The following CFAP57 variants were observed in gnomAD, a reference collection of about 807,000 sequenced individuals.
CFAP57 encodes the protein cilia and flagella associated protein 57, also known as cilia- and flagella-associated protein 57.
A neutral mutation model predicts 146.8 loss-of-function variants in CFAP57; 116 were observed. That is an observed-to-expected ratio of 0.79 (90% CI 0.68 to 0.92). The LOEUF (loss-of-function observed/expected upper bound fraction) is 0.92, where lower values mean the gene tolerates loss of function less well. CFAP57 is among the 40% of genes least tolerant of loss of function. The probability of loss-of-function intolerance (pLI) is 0.00; values close to 1 mark genes in which losing one functional copy is unlikely to be tolerated. For synonymous variants in CFAP57, 518 were observed against 552.8 expected, an observed-to-expected ratio of 0.94 and a Z score of 0.88; for missense variants, 1,377 against 1,527.2, an observed-to-expected ratio of 0.90 and a Z score of 1.64.
chr1:43,233,011 C>T (rs535304054), intron 19 of CFAP57, among the ~76,000 whole-genome samples: 11 of 152,146 alleles, frequency 7.2e-5, no homozygotes, highest in Non-Finnish European at 1.6e-4. Flanking sequence ...ATTCCCATTT[C>T]TCCATGTTAT....
rs561064568 is a variant in CFAP57, at chr1:43,199,571, T to C, written c.1542+68T>C. 2.9e-6 allele frequency: 4 copies of C among 1,391,928 alleles called. No individual in the cohort carries two copies. In the South Asian group the frequency reaches 4.6e-5, roughly 16 times the overall value. The allele number at this position is 1,391,928 out of a possible 1,614,324, so 86.2% of individuals were successfully genotyped here. A position where few individuals can be genotyped will look rare whatever the true frequency, so the allele number is the denominator to read the frequency against. Reference sequence around the variant, plus strand: ...CCAAGTATGCCGCCAGCCAGTGGGATACAGGTGAACAAAAGAGAGATGGTT... The same window carrying C: ...CCAAGTATGCCGCCAGCCAGTGGGACACAGGTGAACAAAAGAGAGATGGTT... On this transcript the variant is annotated intron_variant, in intron 9 of 22. Transcript: ENST00000372492.
intron 11 of CFAP57, among the ~76,000 whole-genome samples, chr1:43,212,564 C>A (rs1415351842): frequency 6.6e-6 from 1 of 152,134 alleles, no homozygotes; most frequent in Non-Finnish European, 1.5e-5. Flanking sequence ...CAAGTCCTGT[C>A]TTCTAGCAAT....
Position 43,222,825 on chromosome 1 carries a change from C to T in CFAP57, c.2534C>T (p.Ala845Val), listed in dbSNP as rs200890811. The T allele has an allele frequency of 1.0e-3, 1,568 of 1,539,142 alleles. 1 individual carries two copies. The highest frequency in any genetic ancestry group is 1.3e-3 in the Non-Finnish European group (1,514 of 1,141,132). The change falls in exon 16 of 23, where the codon GCA (alanine) becomes GTA (valine). Residue 845 changes from alanine (A) to valine (V), a missense_variant and splice_region_variant. Transcript: ENST00000372492. ...ACACGCCCACTCTCTCTGAGCCAGGCACAGGAAGACGTCAGGCAGCAGCTG... is the reference window on the plus strand; with the variant it reads ...ACACGCCCACTCTCTCTGAGCCAGGTACAGGAAGACGTCAGGCAGCAGCTG... ...LQEKTTLLEE[A>V]QEDVRQQLRE...
intron 6 of CFAP57, among the ~76,000 whole-genome samples, chr1:43,195,500 T>A (rs979881629): frequency 8.7e-5 from 13 of 149,386 alleles, no homozygotes; most frequent in African/African-American, 3.0e-4. Context: ...CAGCCTGGCA[T>A]CAGAGCGAGA....
At chr1:43,232,033 C>T (rs1425089101) in intron 18 of CFAP57, 1 of 696,480 alleles carries the variant, frequency 1.4e-6, no homozygotes. Flanking sequence ...GGGTGGTGCC[C>T]ACATGTTGGT....
chr1:43,189,678 C>A (rs949395921), intron 6 of CFAP57, among the ~76,000 whole-genome samples: 3 of 152,110 alleles, frequency 2.0e-5, no homozygotes, highest in African/African-American at 7.2e-5. Flanking sequence ...GTACCTGAGA[C>A]TGAGTAATTT....
intron 6 of CFAP57, among the ~76,000 whole-genome samples, chr1:43,193,548 T>G (rs1369292891): frequency 6.6e-6 from 1 of 152,066 alleles, no homozygotes; most frequent in East Asian, 1.9e-4. Flanking sequence ...ACACTTTAAC[T>G]CATTATAATC....
In CFAP57 at chr1:43,250,585, A is replaced by G. The variant is rs554734395; in HGVS notation, c.3539-3392A>G. On this transcript the variant is annotated intron_variant, in intron 22 of 22. Transcript: ENST00000372492. ...CAAGTTGGCTAAATTCTGATTTCCCATGACTATATCAAACACACACAATCA... is the reference window on the plus strand; with the variant it reads ...CAAGTTGGCTAAATTCTGATTTCCCGTGACTATATCAAACACACACAATCA... Among the ~76,000 whole-genome samples, 8 of 152,334 alleles carry G rather than the reference A, an allele frequency of 5.3e-5. No homozygotes were observed. In the South Asian group the frequency reaches 1.7e-3, roughly 32 times the overall value.
intron 9 of CFAP57, among the ~76,000 whole-genome samples, chr1:43,202,708 C>T (rs1459201570): frequency 2.7e-5 from 4 of 150,760 alleles, no homozygotes; most frequent in Admixed American, 6.6e-5. Flanking sequence ...GCTTGAACCT[C>T]GGAGGCGGAG....
At chr1:43,232,341 G>A (rs776567288) in intron 18 of CFAP57, among the ~76,000 whole-genome samples, 167 bp from the exon 19 acceptor site, 1 of 152,208 alleles carries the variant, frequency 6.6e-6, no homozygotes, top group Non-Finnish European at 1.5e-5. Context: ...GGAGCTGTTA[G>A]GAAAGCAAGT....
intron 2 of CFAP57, chr1:43,177,087 G>A (rs761052357): frequency 2.0e-5 from 9 of 455,376 alleles, no homozygotes; most frequent in East Asian, 6.9e-5. Flanking sequence ...AAAGGGGTGC[G>A]TTCTGAGTGG....
rs1243468759 is a variant in CFAP57, at chr1:43,232,494, CTTG to C, written c.3010-9_3010-7del. 21 of 1,545,394 alleles carry C rather than the reference CTTG, an allele frequency of 1.4e-5. No individual in the cohort carries two copies. The highest frequency in any genetic ancestry group is 1.8e-5 in the Non-Finnish European group (20 of 1,142,614). On this transcript the variant is annotated splice_polypyrimidine_tract_variant and intron_variant, in intron 18 of 22. Transcript: ENST00000372492. ...ACTTTCTTCTTCTTGACTCTTTTCCCTTGTTGTCTACAGATGGAAGCTGAACTG... is the reference window on the plus strand; with the variant it reads ...ACTTTCTTCTTCTTGACTCTTTTCCCTTGTCTACAGATGGAAGCTGAACTG...
chr1:43,245,166 G>T (rs956986842), intron 22 of CFAP57, among the ~76,000 whole-genome samples: 2 of 151,834 alleles, frequency 1.3e-5, no homozygotes, highest in African/African-American at 4.8e-5. Flanking sequence ...AAAATCAGCC[G>T]GGCATGATGG....
intron 22 of CFAP57, among the ~76,000 whole-genome samples, chr1:43,248,356 C>T (rs1223991747): frequency 3.5e-5 from 5 of 142,838 alleles, no homozygotes; most frequent in Admixed American, 7.2e-5. Flanking sequence ...CTCGCTCTGT[C>T]GCCCAGGCTG....
At chr1:43,202,784 A>G (rs962004128) in intron 9 of CFAP57, among the ~76,000 whole-genome samples, 1 of 144,036 alleles carries the variant, frequency 6.9e-6, no homozygotes, top group Non-Finnish European at 1.5e-5. Context: ...CCCTACCTCA[A>G]AAAAAAAACA....
intron 2 of CFAP57, among the ~76,000 whole-genome samples, chr1:43,179,703 C>T (rs907056852): frequency 2.6e-5 from 4 of 152,140 alleles, no homozygotes; most frequent in East Asian, 1.9e-4. Context: ...CAACCCCTCC[C>T]GCCAGCTTTA....
At position 43,224,193 on chromosome 1, in the gene CFAP57, A is replaced by C. The variant is rs769899363; in HGVS notation, c.2854A>C (p.Ile952Leu). 45 of 1,543,400 alleles carry C rather than the reference A, an allele frequency of 2.9e-5. No individual in the cohort carries two copies. Among genetic ancestry groups the C allele is most frequent in the Non-Finnish European group, 3.9e-5 (45 of 1,143,200 alleles). Reference protein sequence around the residue: ...KREIQERDETIQDKEKRIYDL... With the variant: ...KREIQERDETLQDKEKRIYDL... ...AGAGATCCAGGAAAGAGACGAGACT[A>C]TTCAAGACAAGGTGCAGCTCTCCTT... Residue 952 changes from isoleucine (I) to leucine (L), a missense_variant, in exon 17 of 23, where the codon ATT becomes CTT. Physicochemically the swap from Ile to Leu is conservative, Grantham distance 5. Coordinates refer to ENST00000372492, the MANE Select transcript of CFAP57 (RefSeq NM_001378189.1).
chr1:43,182,411 C>A (rs983140009), intron 3 of CFAP57, among the ~76,000 whole-genome samples: 1 of 152,110 alleles, frequency 6.6e-6, no homozygotes, highest in East Asian at 1.9e-4. Context: ...GTTCACTCAC[C>A]CTAGTCTAGG....
intron 2 of CFAP57, among the ~76,000 whole-genome samples, chr1:43,180,249 T>C (rs1040897984): frequency 6.9e-6 from 1 of 144,326 alleles, no homozygotes; most frequent in East Asian, 2.0e-4. Context: ...AAAATATATA[T>C]ACACACATAT....
Sources: gnomAD v4.1 joint callset for allele counts (sites outside exome capture counted in the v4.1 genomes callset) on GRCh38, gnomAD v4.1.1 for gene constraint, MANE v1.5 for transcripts, NCBI Gene and HGNC (gene_info 2026-07-23, HGNC 2026-07-21) for gene names.